ITM2C: variants seen among roughly 807,000 people sequenced by gnomAD.
The protein encoded by ITM2C is BRICHOS domain containing 2C.
ITM2C carries 20 observed loss-of-function variants against 30.0 expected under a neutral mutation model. The ratio of observed to expected loss-of-function variants is 0.67; its 90% confidence interval spans 0.47 to 0.97. ITM2C has a LOEUF of 0.97. ITM2C is among the 50% of genes least tolerant of loss of function. The pLI, the probability that ITM2C is intolerant of heterozygous loss-of-function variation, is 0.00. For missense variants in ITM2C, 366 were observed against 371.9 expected (o/e 0.98, Z 0.13); for synonymous variants, 167 against 156.4 (o/e 1.07, Z -0.51).
In ITM2C at chr2:230,876,925, G is replaced by A. The variant is rs139665910; in HGVS notation, c.519G>A (p.Val173=). 1.2e-6 allele frequency: 2 copies of A among 1,613,934 alleles called. No homozygotes were observed. The highest frequency in any genetic ancestry group is 1.7e-6 in the Non-Finnish European group (2 of 1,179,962). Residue 173 remains valine, a synonymous_variant, in exon 4 of 6, where the codon GTG becomes GTA. Transcript: ENST00000326427. ...TCATCGAACTCAACACCACCATTGT[G>A]CTGCCCCCTCGCAACTTCTGGGAGC... The part of the protein sequence containing the change: ...CYVIELNTTI[V]LPPRNFWELL...
At chr2:230,875,595 C>T (rs1199250043) in intron 2 of ITM2C, 25 bp from the exon 3 acceptor site, 1 of 1,572,990 alleles carries the variant, frequency 6.4e-7, no homozygotes. Flanking sequence ...CTCTGACTGT[C>T]TGTCTGTCTC....
At chr2:230,873,581 G>C in intron 2 of ITM2C, 24 bp downstream of exon 2, 2 of 1,584,252 alleles carry the variant, frequency 1.3e-6, no homozygotes, top group Non-Finnish European at 1.7e-6. Flanking sequence ...CCAGGTAGGG[G>C]CAAGGCCTCG....
rs752637575 is a variant in ITM2C, at chr2:230,878,126, C to T, written c.*27C>T. The T allele has an allele frequency of 1.0e-5, 15 of 1,499,658 alleles. No homozygotes were observed. Among genetic ancestry groups the T allele is most frequent in the Middle Eastern group, 3.6e-4 (2 of 5,536 alleles). The allele number at this position is 1,499,658 out of a possible 1,614,324, so 92.9% of individuals were successfully genotyped here. ...GCCCTCCTCCCCCAGAACCCCCTGCCGTGTTCCTCTTTTCTTCTTTCCGGC... is the reference window on the plus strand; with the variant it reads ...GCCCTCCTCCCCCAGAACCCCCTGCTGTGTTCCTCTTTTCTTCTTTCCGGC... On this transcript the variant is annotated 3_prime_UTR_variant, in exon 6 of 6. Coordinates refer to ENST00000326427, the MANE Select transcript of ITM2C (RefSeq NM_030926.6). This position sits in a 1 kb window ranked among gnomAD's most constrained non-coding sequence, Gnocchi z 4.5.
chr2:230,870,418 T>C (rs1404354235), intron 1 of ITM2C, among the ~76,000 whole-genome samples: 1 of 152,238 alleles, frequency 6.6e-6, no homozygotes, highest in Non-Finnish European at 1.5e-5. Context: ...CCTCTGAGGG[T>C]TTGGCTCTGC....
chr2:230,876,771 C>T (rs912234443), intron 3 of ITM2C, 86 bp from the exon 4 acceptor site: 9 of 859,488 alleles, frequency 1.0e-5, no homozygotes, highest in South Asian at 7.4e-5. Flanking sequence ...TGAGCCACCG[C>T]GCCTGGCTGG....
intron 2 of ITM2C, among the ~76,000 whole-genome samples, chr2:230,874,195 G>T (rs57728381): frequency 0.023 from 3,477 of 152,238 alleles, 116 homozygotes; most frequent in African/African-American, 0.079. Flanking sequence ...CAAAGAGGTG[G>T]GACTTGCCAG....
rs1696998449 is a variant in ITM2C at position 230,865,292 on chromosome 2, T to C, written c.120+147T>C. 3.6e-6 allele frequency: 3 copies of C among 839,630 alleles called. No individual in the cohort carries two copies. The East Asian group carries it at 1.0e-4, about 28-fold the overall frequency. The allele number at this position is 839,630 out of a possible 1,614,324, so 52.0% of individuals were successfully genotyped here. A position where few individuals can be genotyped will look rare whatever the true frequency, so the allele number is the denominator to read the frequency against. On this transcript the variant is annotated intron_variant, in intron 1 of 5. Coordinates refer to ENST00000326427, the MANE Select transcript of ITM2C (RefSeq NM_030926.6). This position sits in a 1 kb window ranked among gnomAD's most constrained non-coding sequence, Gnocchi z 6.8. ...GGTTGGGAAGTCTCGAATGGTTGCT[T>C]ATCCCAGAATGAGGAGGGGGCTTAA...
rs950549267 is a variant in ITM2C, at chr2:230,865,522, GCGAGT to G, written c.120+384_120+388del. 1 of 169,456 alleles carries G rather than the reference GCGAGT, an allele frequency of 5.9e-6. No individual in the cohort carries two copies. Among genetic ancestry groups the G allele is most frequent in the Non-Finnish European group, 1.3e-5 (1 of 79,890 alleles). The allele number at this position is 169,456 out of a possible 1,614,324, so 10.5% of individuals were successfully genotyped here. ...CTGGTTCCAATCAACTGGGAAAGCC[GCGAGT>G]CGAGTCCCCAGGTGGGGGATGGGAG... is the stretch of plus-strand genomic sequence containing the variant. On this transcript the variant is annotated intron_variant, in intron 1 of 5. Transcript: ENST00000326427. The surrounding 1 kb of genome is among the most constrained non-coding windows in gnomAD (Gnocchi z 6.8).
At chr2:230,870,749 A>G (rs1276647127) in intron 1 of ITM2C, among the ~76,000 whole-genome samples, 3 of 151,994 alleles carry the variant, frequency 2.0e-5, no homozygotes, top group Non-Finnish European at 2.9e-5. Context: ...GCAGACCAGC[A>G]TTAAGGCGGA....
chr2:230,870,952 A>G (rs552291955), intron 1 of ITM2C, among the ~76,000 whole-genome samples: 1 of 152,274 alleles, frequency 6.6e-6, no homozygotes, highest in South Asian at 2.1e-4. Flanking sequence ...TGCAGAAGCA[A>G]AAGTCTGGCC....
chr2:230,877,575 T>C lies in ITM2C; in HGVS notation c.712+25T>C. 6.2e-7 allele frequency: 1 copy of C among 1,611,982 alleles called. No homozygotes were observed. On this transcript the variant is annotated intron_variant, in intron 5 of 5. Coordinates refer to ENST00000326427, the MANE Select transcript of ITM2C (RefSeq NM_030926.6). The surrounding 1 kb of genome is among the most constrained non-coding windows in gnomAD (Gnocchi z 4.8). ...CGTGAGTGGCTGGCTTCACCCACAGTAGCCCCTGTCCCGTGCCCCAGACCA... is the reference window on the plus strand; with the variant it reads ...CGTGAGTGGCTGGCTTCACCCACAGCAGCCCCTGTCCCGTGCCCCAGACCA...
chr2:230,864,292 C>G (rs1284086547), upstream of ITM2C, among the ~76,000 whole-genome samples: 1 of 152,174 alleles, frequency 6.6e-6, no homozygotes, highest in Non-Finnish European at 1.5e-5. The surrounding 1 kb of genome is among the most constrained non-coding windows in gnomAD (Gnocchi z 4.3). Context: ...GGCGGCCTTC[C>G]CTTCTCCACT....
Position 230,878,465 on chromosome 2 carries a change from T to G in ITM2C, c.*366T>G. 1.7e-5 allele frequency: 3 copies of G among 174,538 alleles called. No individual in the cohort carries two copies. Among genetic ancestry groups the G allele is most frequent in the Non-Finnish European group, 2.4e-5 (2 of 82,878 alleles). The allele number at this position is 174,538 out of a possible 1,614,324, so 10.8% of individuals were successfully genotyped here. On this transcript the variant is annotated 3_prime_UTR_variant, in exon 6 of 6. Coordinates refer to ENST00000326427, the MANE Select transcript of ITM2C (RefSeq NM_030926.6). This position sits in a 1 kb window ranked among gnomAD's most constrained non-coding sequence, Gnocchi z 4.5. ...GAGGCCCTGGGCAAGGGGATGGGGC[T>G]GTGGGGGCGGGGCGGCATGGGCTTC...
At chr2:230,875,892 T>A in intron 3 of ITM2C, 84 bp downstream of exon 3, 1 of 1,044,046 alleles carries the variant, frequency 9.6e-7, no homozygotes. Flanking sequence ...GAAAGGAGAC[T>A]CCTCGGAGTA....
chr2:230,873,373 G>A (rs1195455449), intron 1 of ITM2C, 44 bp from the exon 2 acceptor site: 9 of 1,467,344 alleles, frequency 6.1e-6, no homozygotes, highest in Admixed American at 2.4e-5. Flanking sequence ...GGATTTCCAG[G>A]GGAGGGGCCC....
intron 1 of ITM2C, among the ~76,000 whole-genome samples, chr2:230,871,353 A>C (rs1697160114): frequency 6.6e-6 from 1 of 152,222 alleles, no homozygotes; most frequent in African/African-American, 2.4e-5. Context: ...CCTGGTTTGC[A>C]AGAGCTCCTG....
chr2:230,877,060 G>A lies in ITM2C; in HGVS notation c.561+93G>A, dbSNP rs896487962. 1 of 925,464 alleles carries A rather than the reference G, an allele frequency of 1.1e-6. No individual in the cohort carries two copies. The highest frequency in any genetic ancestry group is 2.2e-4 in the Middle Eastern group (1 of 4,612). 57.3% of individuals were successfully genotyped at this position (925,464 alleles called of 1,614,324 possible). A position where few individuals can be genotyped will look rare whatever the true frequency, so the allele number is the denominator to read the frequency against. On this transcript the variant is annotated intron_variant, in intron 4 of 5. Coordinates refer to ENST00000326427, the MANE Select transcript of ITM2C (RefSeq NM_030926.6). This position sits in a 1 kb window ranked among gnomAD's most constrained non-coding sequence, Gnocchi z 4.8. ...TAGGTCTGAGGTACAGGAAGTTCCT[G>A]TGTCAGGGGTTGGGGGAGCAAGAGA...
At chr2:230,864,784 G>A (rs543547316), upstream of ITM2C, 2 of 244,612 alleles carry the variant, frequency 8.2e-6, 1 homozygote, top group South Asian at 3.5e-4. The surrounding 1 kb of genome is among the most constrained non-coding windows in gnomAD (Gnocchi z 4.3). Context: ...ACCCGCCCCA[G>A]GTGCGGAGCG....
intron 1 of ITM2C, 110 bp from the exon 2 acceptor site, chr2:230,873,307 C>T (rs1697210735): frequency 3.6e-6 from 4 of 1,113,950 alleles, no homozygotes; most frequent in Admixed American, 2.9e-5. Flanking sequence ...CCCTCCCTTT[C>T]CCCCAAGACT....
Sources: allele counts gnomAD v4.1 joint callset (sites outside exome capture counted in the v4.1 genomes callset), GRCh38; gene constraint gnomAD v4.1.1; non-coding constraint Gnocchi (gnomAD v3.1); transcripts MANE v1.5; gene names NCBI Gene and HGNC (gene_info 2026-07-23, HGNC 2026-07-21).